The following ANTXR2 variants were observed in gnomAD, a reference collection of about 807,000 sequenced individuals.
ANTXR2 encodes the protein ANTXR cell adhesion molecule 2.
ANTXR2 carries 44 observed loss-of-function variants against 73.7 expected under a neutral mutation model. The ratio of observed to expected loss-of-function variants is 0.60; its 90% CI spans 0.47 to 0.77. The LOEUF is 0.77. ANTXR2 is among the 30% of genes least tolerant of loss of function. ANTXR2 has a pLI of 0.00. For missense variants in ANTXR2, 604 were observed against 592.5 expected (o/e 1.02, Z -0.20); for synonymous variants, 217 against 205.9 (o/e 1.05, Z -0.46).
chr4:80,011,309 A>ATCTGTCTG (rs1477850019), intron 11 of ANTXR2, among the ~76,000 whole-genome samples: 2 of 146,236 alleles, frequency 1.4e-5, no homozygotes, highest in African/African-American at 5.1e-5. Flanking sequence ...CTATCTATCT[A>ATCTGTCTG]TCTATCTGTC....
chr4:79,915,353 G>A (rs147426654), intron 16 of ANTXR2, among the ~76,000 whole-genome samples: 33 of 152,150 alleles, frequency 2.2e-4, no homozygotes, highest in African/African-American at 7.5e-4. Context: ...CAGAGCAAGT[G>A]TCATGTCTCC....
At chr4:80,017,118 G>C (rs918962614) in intron 11 of ANTXR2, among the ~76,000 whole-genome samples, 2 of 152,198 alleles carry the variant, frequency 1.3e-5, no homozygotes, top group Non-Finnish European at 1.5e-5. Flanking sequence ...CTCAGGTCCT[G>C]ACAATAACTA....
intron 9 of ANTXR2, among the ~76,000 whole-genome samples, chr4:80,032,791 G>A (rs1732758614): frequency 6.6e-6 from 1 of 151,736 alleles, no homozygotes; most frequent in African/African-American, 2.4e-5. Flanking sequence ...TTAAGAGGGA[G>A]GGTTTTTTCA....
At chr4:79,957,026 A>C (rs73828821) in intron 16 of ANTXR2, among the ~76,000 whole-genome samples, 13,871 of 152,186 alleles carry the variant, frequency 0.091, 735 homozygotes, top group Middle Eastern at 0.23. Flanking sequence ...CAATTTGACC[A>C]GTTATATCAC....
intron 7 of ANTXR2, among the ~76,000 whole-genome samples, chr4:80,038,386 C>T (rs955195825): frequency 1.3e-5 from 2 of 152,086 alleles, no homozygotes; most frequent in African/African-American, 2.4e-5. Context: ...ATAAGCAATT[C>T]TCCTAAGGAG....
rs142127729 is a variant in ANTXR2 at position 79,923,720 on chromosome 4, A to G, written c.1429-16253T>C. On this transcript the variant is annotated intron_variant, in intron 16 of 16. Coordinates refer to ENST00000403729, the MANE Select transcript of ANTXR2 (RefSeq NM_058172.6). ...ATAATGAAGTAGTGAAAGTGTTTAA[A>G]TCAGTGCACAGTTAACTGACTTCAT... 4.0e-4 allele frequency among the ~76,000 whole-genome samples: 61 copies of G among 152,278 alleles called. No individual in the cohort carries two copies. In the East Asian group the frequency reaches 0.011, roughly 26 times the overall value.
At chr4:80,040,699 C>G (rs1368639709) in intron 7 of ANTXR2, among the ~76,000 whole-genome samples, 1 of 151,628 alleles carries the variant, frequency 6.6e-6, no homozygotes, top group African/African-American at 2.4e-5. Context: ...ACACTAAATG[C>G]AAAATTTCAT....
chr4:79,919,921 A>ATATATATATAT (rs1727528757), intron 16 of ANTXR2, among the ~76,000 whole-genome samples: 1 of 12,228 alleles, frequency 8.2e-5, no homozygotes, highest in African/African-American at 3.5e-4. Flanking sequence ...ATATATATAT[A>ATATATATATAT]AAAAATGATA....
chr4:80,031,563 C>T, intron 10 of ANTXR2, 60 bp downstream of exon 10: 2 of 1,247,724 alleles, frequency 1.6e-6, no homozygotes, highest in Non-Finnish European at 2.2e-6. Context: ...GTATATGTCA[C>T]CATTTTCTAA....
intron 12 of ANTXR2, among the ~76,000 whole-genome samples, chr4:80,005,013 G>C (rs1392228438): frequency 6.6e-6 from 1 of 151,962 alleles, no homozygotes; most frequent in Non-Finnish European, 1.5e-5. Context: ...ATTGATTAGA[G>C]GTCTATGAGA....
At chr4:79,985,222 A>C (rs1321901502) in intron 12 of ANTXR2, among the ~76,000 whole-genome samples, 1 of 151,666 alleles carries the variant, frequency 6.6e-6, no homozygotes, top group Non-Finnish European at 1.5e-5. Flanking sequence ...TGGTGGCGGG[A>C]GCCTGTAGTC....
At chr4:80,069,644 G>T in intron 2 of ANTXR2, 137 bp from the exon 3 acceptor site, 1 of 649,630 alleles carries the variant, frequency 1.5e-6, no homozygotes, top group Non-Finnish European at 2.6e-6. Flanking sequence ...CATTCCCTAA[G>T]TAAATAGACG....
At chr4:79,926,989 A>ATGTGTATATATACACGTGTGCATATATG (rs1727832929) in intron 16 of ANTXR2, among the ~76,000 whole-genome samples, 1 of 145,898 alleles carries the variant, frequency 6.9e-6, no homozygotes, top group African/African-American at 2.6e-5. Context: ...GTGTGCATAT[A>ATGTGTATATATACACGTGTGCATATATG]TGTGTATATA....
In ANTXR2 at chr4:79,978,180, A is replaced by T. The variant is rs566984762; in HGVS notation, c.1180-6T>A. 2.5e-6 allele frequency: 4 copies of T among 1,613,434 alleles called. No individual in the cohort carries two copies. Among genetic ancestry groups the T allele is most frequent in the Admixed American group, 3.3e-5 (2 of 59,962 alleles). ...CCTTTATCACCCCAACGAACCTGTA[A>T]AACAAAGGGAGAGTACTGTTATCAG... On this transcript the variant is annotated splice_polypyrimidine_tract_variant and splice_region_variant and intron_variant, in intron 14 of 16. Coordinates refer to ENST00000403729, the MANE Select transcript of ANTXR2 (RefSeq NM_058172.6).
intron 16 of ANTXR2, among the ~76,000 whole-genome samples, chr4:79,958,794 T>C (rs1210541930): frequency 6.6e-6 from 1 of 152,006 alleles, no homozygotes; most frequent in African/African-American, 2.4e-5. Flanking sequence ...TTCTGAAGAG[T>C]AGTAACTGAA....
intron 16 of ANTXR2, among the ~76,000 whole-genome samples, chr4:79,915,856 C>CTATATATATATATATATATA (rs1474331161): frequency 8.9e-6 from 1 of 112,272 alleles, no homozygotes; most frequent in African/African-American, 3.0e-5. Context: ...CTCTCTCTCT[C>CTATATATATATATATATATA]TCTCTCTATA....
chr4:79,944,695 C>T (rs1031270096), intron 16 of ANTXR2, among the ~76,000 whole-genome samples: 2 of 152,052 alleles, frequency 1.3e-5, no homozygotes, highest in Non-Finnish European at 2.9e-5. Context: ...GAGTTTGGTA[C>T]AACATGCTTT....
intron 3 of ANTXR2, among the ~76,000 whole-genome samples, chr4:80,063,434 T>C (rs1578196238): frequency 3.6e-5 from 1 of 27,496 alleles, no homozygotes; most frequent in African/African-American, 3.5e-4. Context: ...AATTTCAGCA[T>C]TTTTTTTTAT....
intron 16 of ANTXR2, among the ~76,000 whole-genome samples, chr4:79,908,374 T>G (rs1305264699): frequency 6.6e-6 from 1 of 152,176 alleles, no homozygotes; most frequent in African/African-American, 2.4e-5. Flanking sequence ...TATTTCCCTC[T>G]AAATGTAAGT....
Sources: allele counts gnomAD v4.1 joint callset (sites outside exome capture counted in the v4.1 genomes callset), GRCh38; gene constraint gnomAD v4.1.1; transcripts MANE v1.5; gene names NCBI Gene and HGNC (gene_info 2026-07-23, HGNC 2026-07-21).